Variants in HMGN1 observed in about 807,000 individuals in gnomAD.
The protein encoded by HMGN1 is high mobility group nucleosome binding domain 1, also known as non-histone chromosomal protein HMG-14.
In HMGN1, 9 loss-of-function variants were observed where a neutral mutation model predicts 18.4. That is an observed-to-expected ratio of 0.49 (90% CI 0.29 to 0.85). The LOEUF (loss-of-function observed/expected upper bound fraction) is 0.85. HMGN1 is among the 40% of genes least tolerant of loss of function. HMGN1 has a pLI of 0.07. For synonymous variants in HMGN1, 59 were observed against 45.0 expected, an observed-to-expected ratio of 1.31 and a Z score of -1.24; for missense variants, 151 against 119.2, an observed-to-expected ratio of 1.27 and a Z score of -1.24.
chr21:39,345,652 ATT>A, intron 4 of HMGN1: 1 of 406,318 alleles, frequency 2.5e-6, no homozygotes, highest in Non-Finnish European at 4.7e-6. Context: ...CCCGAGCTAT[ATT>A]TCACCACTGT....
intron 4 of HMGN1, 50 bp from the exon 5 acceptor site, chr21:39,345,324 A>G (rs898178193): frequency 1.3e-6 from 2 of 1,565,812 alleles, no homozygotes; most frequent in Non-Finnish European, 1.8e-6. Flanking sequence ...CTCCTTATTT[A>G]CATTTTGTTT....
chr21:39,343,706 T>G (rs1030559371), intron 5 of HMGN1, among the ~76,000 whole-genome samples: 3 of 152,206 alleles, frequency 2.0e-5, no homozygotes, highest in African/African-American at 7.2e-5. Context: ...GAAATACACA[T>G]GTAACAAAGT....
intron 4 of HMGN1, chr21:39,347,715 G>A (rs2037105330): frequency 7.3e-6 from 2 of 275,576 alleles, no homozygotes; most frequent in Non-Finnish European, 1.4e-5. Flanking sequence ...TCATTCTACA[G>A]ACCTGCAATT....
In HMGN1 at chr21:39,342,631, A is replaced by G; in HGVS notation, c.*481T>C. 3.1e-6 allele frequency: 1 copy of G among 320,684 alleles called. No homozygotes were observed. The highest frequency in any genetic ancestry group is 6.1e-6 in the Non-Finnish European group (1 of 163,038). The allele number at this position is 320,684 out of a possible 1,614,324, so 19.9% of individuals were successfully genotyped here. On this transcript the variant is annotated 3_prime_UTR_variant, in exon 6 of 6. Transcript: ENST00000380749. The stretch of plus-strand genomic sequence containing the variant: ...TTATTAGGAAAACAGGACTACCACA[A>G]AGATGTTACAGAGTGCACACAATTC...
intron 5 of HMGN1, 37 bp downstream of exon 5, chr21:39,345,109 T>TCTCACATACACACACACA: frequency 7.1e-7 from 1 of 1,410,174 alleles, no homozygotes; most frequent in Non-Finnish European, 9.6e-7. Flanking sequence ...GTCAAAGCAA[T>TCTCACATACACACACACA]CACACACACA....
chr21:39,343,122 T>G lies in HMGN1; in HGVS notation c.293A>C (p.Lys98Thr). Reference protein sequence around the residue: ...ASDEAGEKEAKSD With the variant: ...ASDEAGEKEATSD Reference sequence around the variant, plus strand: ...CATGGTATATGGTTATTAATCAGACTTGGCTTCTTTCTCTCCTGCTTCATC... The same window carrying G: ...CATGGTATATGGTTATTAATCAGACGTGGCTTCTTTCTCTCCTGCTTCATC... The change falls in exon 6 of 6, where the codon AAG becomes ACG. Residue 98 changes from lysine (K) to threonine (T), a missense_variant. By Grantham distance (78) the Lys-to-Thr change is moderately conservative. Transcript: ENST00000380749. 1 of 1,588,852 alleles carries G rather than the reference T, an allele frequency of 6.3e-7. No individual in the cohort carries two copies.
intron 4 of HMGN1, chr21:39,347,364 ATC>A: frequency 9.1e-7 from 1 of 1,098,092 alleles, no homozygotes; most frequent in East Asian, 6.6e-5. Flanking sequence ...AAGAAAAAAC[ATC>A]TTTGTTTTAT....
Position 39,348,909 on chromosome 21 carries a change from C to T in HMGN1, c.9G>A (p.Lys3=). 2 of 1,185,160 alleles carry T rather than the reference C, an allele frequency of 1.7e-6. No individual in the cohort carries two copies. Among genetic ancestry groups the T allele is most frequent in the South Asian group, 4.2e-5 (1 of 23,964 alleles). 73.4% of individuals were successfully genotyped at this position (1,185,160 alleles called of 1,614,324 possible). The change falls in exon 1 of 6, where the codon AAG becomes AAA. Residue 3 remains lysine (K), a synonymous_variant. Transcript: ENST00000380749. The part of the protein sequence containing the change: MP[K]RKVSSAEGAA... The stretch of plus-strand genomic sequence containing the variant: ...GGCCGCGGCCGCCGCTCACCTTCCT[C>T]TTGGGCATCGTGGCGGCGGGGAAGG...
intron 4 of HMGN1, 199 bp downstream of exon 4, chr21:39,348,093 G>A (rs1483419762): frequency 5.7e-6 from 5 of 881,832 alleles, no homozygotes; most frequent in Non-Finnish European, 8.4e-6. Context: ...AACATCTGCA[G>A]CAGCATTAGT....
chr21:39,346,660 T>A (rs955851256), intron 4 of HMGN1: 1 of 152,452 alleles, frequency 6.6e-6, no homozygotes, highest in African/African-American at 2.4e-5. Context: ...GCACACACAG[T>A]GACAAGATAT....
In HMGN1 at chr21:39,343,049, A is replaced by G; in HGVS notation, c.*63T>C. ...TGCATTTACAAAATAGTTGATAAAA[A>G]TATTCCTCTGGATTGTACAAGAAGG... On this transcript the variant is annotated 3_prime_UTR_variant, in exon 6 of 6. Coordinates refer to ENST00000380749, the MANE Select transcript of HMGN1 (RefSeq NM_004965.7). 1 of 1,338,626 alleles carries G rather than the reference A, an allele frequency of 7.5e-7. No homozygotes were observed. Among genetic ancestry groups the G allele is most frequent in the Non-Finnish European group, 1.1e-6 (1 of 938,552 alleles). The allele number at this position is 1,338,626 out of a possible 1,614,324, so 82.9% of individuals were successfully genotyped here.
intron 4 of HMGN1, chr21:39,346,023 T>C (rs2037040513): frequency 3.8e-6 from 4 of 1,060,042 alleles, no homozygotes; most frequent in African/African-American, 1.6e-5. Flanking sequence ...ATTTAAGCCA[T>C]GTTAAAGAAA....
intron 3 of HMGN1, 23 bp downstream of exon 3, chr21:39,348,399 G>A (rs749431363): frequency 1.9e-6 from 3 of 1,614,062 alleles, no homozygotes; most frequent in African/African-American, 2.7e-5. Context: ...AAAACGAACG[G>A]TTACGGGGCT....
At chr21:39,347,080 A>ACACACAC in intron 4 of HMGN1, 1 of 128,156 alleles carries the variant, frequency 7.8e-6, no homozygotes, top group South Asian at 2.3e-4. Context: ...ACACACACAC[A>ACACACAC]ATAAAAAAAG....
intron 4 of HMGN1, chr21:39,346,006 G>C (rs748963636): frequency 8.2e-7 from 1 of 1,213,124 alleles, no homozygotes. Flanking sequence ...GATACATTAA[G>C]TTCAAAATTT....
chr21:39,344,149 A>G (rs2989329), intron 5 of HMGN1, among the ~76,000 whole-genome samples: 61,534 of 151,086 alleles, frequency 0.41, 12,850 homozygotes, highest in Middle Eastern at 0.47. Flanking sequence ...CCAGCCGCTC[A>G]GGAGGCTGAG....
At position 39,348,567 on chromosome 21, in the gene HMGN1, G is replaced by C. The variant is rs757590132; in HGVS notation, c.26C>G (p.Ala9Gly). 1 of 1,610,374 alleles carries C rather than the reference G, an allele frequency of 6.2e-7. No homozygotes were observed. The highest frequency in any genetic ancestry group is 1.1e-5 in the South Asian group (1 of 90,870). ...CACCTCTTCCTTGGCGGCGCCTTCG[G>C]CGGAGCTGACCTGCGGAGACGGAGA... The part of the protein sequence containing the change: MPKRKVSS[A>G]EGAAKEEPKR... Residue 9 changes from alanine (A) to glycine (G), a missense_variant, in exon 2 of 6, where the codon GCC (alanine) becomes GGC (glycine). Coordinates refer to ENST00000380749, the MANE Select transcript of HMGN1 (RefSeq NM_004965.7).
At position 39,348,464 on chromosome 21, in the gene HMGN1, A is replaced by G. The variant is rs2037143102; in HGVS notation, c.49-13T>C. The G allele has an allele frequency of 1.2e-6, 2 of 1,614,160 alleles. No homozygotes were observed. Among genetic ancestry groups the G allele is most frequent in the Non-Finnish European group, 1.7e-6 (2 of 1,180,020 alleles). ...ATCTCCTCTTGGGCTTGGAGAAAGAAAAAGGAGAGTCAGCGAGAAGAGAAG... is the reference window on the plus strand; with the variant it reads ...ATCTCCTCTTGGGCTTGGAGAAAGAGAAAGGAGAGTCAGCGAGAAGAGAAG... On this transcript the variant is annotated splice_polypyrimidine_tract_variant and intron_variant, in intron 2 of 5. Coordinates refer to ENST00000380749, the MANE Select transcript of HMGN1 (RefSeq NM_004965.7).
rs1027256334 is a variant in HMGN1 at position 39,342,520 on chromosome 21, T to C, written c.*592A>G. ...TACCAGTATCTTCACGTTGGTCAGC[T>C]GTTACATACGGCCCACCAGTTCACA... On this transcript the variant is annotated 3_prime_UTR_variant, in exon 6 of 6. Coordinates refer to ENST00000380749, the MANE Select transcript of HMGN1 (RefSeq NM_004965.7). 1.9e-5 allele frequency: 4 copies of C among 211,348 alleles called. No homozygotes were observed. Among genetic ancestry groups the C allele is most frequent in the South Asian group, 1.2e-4 (2 of 16,870 alleles). 13.1% of individuals were successfully genotyped at this position (211,348 alleles called of 1,614,324 possible).
Sources: allele counts gnomAD v4.1 joint callset (sites outside exome capture counted in the v4.1 genomes callset), GRCh38; gene constraint gnomAD v4.1.1; transcripts MANE v1.5; gene names NCBI Gene and HGNC (gene_info 2026-07-23, HGNC 2026-07-21).